The following EXD3 variants were observed in gnomAD, a reference collection of about 807,000 sequenced individuals.
The protein encoded by EXD3 is exonuclease 3'-5' domain containing 3, also known as exonuclease mut-7 homolog.
A neutral mutation model predicts 98.0 loss-of-function variants in EXD3; 92 were observed. That is an observed-to-expected ratio of 0.94 (90% CI 0.79 to 1.12). The LOEUF (loss-of-function observed/expected upper bound fraction) is 1.12. Ranked by LOEUF, EXD3 falls within the 50% of genes most tolerant of loss-of-function variation. The pLI, the probability that EXD3 is intolerant of heterozygous loss-of-function variation, is 0.00. For missense variants in EXD3, 1,222 were observed against 1,191.6 expected, an observed-to-expected ratio of 1.03 and a Z score of -0.38; for synonymous variants, 569 against 526.0, an observed-to-expected ratio of 1.08 and a Z score of -1.12.
chr9:137,402,429 T>TA (rs907257828), intron 1 of EXD3, among the ~76,000 whole-genome samples: 4 of 152,194 alleles, frequency 2.6e-5, no homozygotes, highest in African/African-American at 9.7e-5. Flanking sequence ...CATAAATCTC[T>TA]AGGACAGGCA....
rs1175438724 is a variant in EXD3 at position 137,307,510 on chromosome 9, C to A, written c.2317+98G>T. ...CTACAGGAGCCCCACAGAGCCCCCT[C>A]TGCCCGGCCGGGACCCAAGTCCCCC... is the stretch of plus-strand genomic sequence containing the variant. On this transcript the variant is annotated intron_variant, in intron 21 of 21. Transcript: ENST00000340951. 3.4e-6 allele frequency: 5 copies of A among 1,488,152 alleles called. No homozygotes were observed. In the East Asian group the frequency reaches 1.2e-4, roughly 36 times the overall value. The allele number at this position is 1,488,152 out of a possible 1,614,324, so 92.2% of individuals were successfully genotyped here.
At position 137,366,060 on chromosome 9, in the gene EXD3, T is replaced by G. The variant is rs1195891371; in HGVS notation, c.656+433A>C. 5.9e-6 allele frequency: 4 copies of G among 675,420 alleles called. No homozygotes were observed. In the African/African-American group the frequency reaches 7.1e-5, roughly 12 times the overall value. The allele number at this position is 675,420 out of a possible 1,614,324, so 41.8% of individuals were successfully genotyped here. On this transcript the variant is annotated intron_variant, in intron 7 of 21. Transcript: ENST00000340951. ...CACATGCACACACATGCACATGGCTTCCCTGAATCCATACAGGCACCATAT... is the reference window on the plus strand; with the variant it reads ...CACATGCACACACATGCACATGGCTGCCCTGAATCCATACAGGCACCATAT...
intron 2 of EXD3, among the ~76,000 whole-genome samples, chr9:137,390,345 T>C (rs1445019225): frequency 6.7e-6 from 1 of 148,444 alleles, no homozygotes; most frequent in Non-Finnish European, 1.5e-5. Flanking sequence ...GGCAGGAGAA[T>C]GGCGTGAACC....
intron 17 of EXD3, among the ~76,000 whole-genome samples, chr9:137,327,539 T>C (rs975878225): frequency 9.9e-5 from 15 of 152,082 alleles, no homozygotes; most frequent in African/African-American, 2.9e-4. Flanking sequence ...TTAAAAATGG[T>C]TAAAATGGTC....
At chr9:137,355,357 A>C (rs1455640064) in intron 8 of EXD3, among the ~76,000 whole-genome samples, 1 of 150,904 alleles carries the variant, frequency 6.6e-6, no homozygotes, top group Non-Finnish European at 1.5e-5. Context: ...TCAGGGCCCC[A>C]CCCCCCACGC....
Position 137,395,881 on chromosome 9 carries a change from G to A in EXD3, c.-47-477C>T, listed in dbSNP as rs868039530. ...CACGGCTGACCCAGTACGCAGCTCC[G>A]TAAGACTCCAGGCGGCCGCTGACAG... On this transcript the variant is annotated intron_variant, in intron 1 of 21. Transcript: ENST00000340951. The surrounding 1 kb of genome is among the most constrained non-coding windows in gnomAD (Gnocchi z 6.5). Among the ~76,000 whole-genome samples, 1 of 152,104 alleles carries A rather than the reference G, an allele frequency of 6.6e-6. No homozygotes were observed. Among genetic ancestry groups the A allele is most frequent in the Non-Finnish European group, 1.5e-5 (1 of 68,006 alleles).
chr9:137,340,174 G>A (rs1833570369), intron 17 of EXD3, among the ~76,000 whole-genome samples: 1 of 152,198 alleles, frequency 6.6e-6, no homozygotes, highest in Non-Finnish European at 1.5e-5. Context: ...CTTTATGGAA[G>A]TTATTAAATG....
At chr9:137,328,373 A>C (rs1319789603) in intron 17 of EXD3, among the ~76,000 whole-genome samples, 2 of 152,028 alleles carry the variant, frequency 1.3e-5, no homozygotes, top group Middle Eastern at 3.4e-3. Flanking sequence ...AAACACCCAT[A>C]TGATGAGTAA....
intron 1 of EXD3, among the ~76,000 whole-genome samples, chr9:137,417,584 G>A (rs2131842765): frequency 6.6e-6 from 1 of 152,306 alleles, no homozygotes; most frequent in East Asian, 1.9e-4. Context: ...AGCAACGCGC[G>A]TCCGCACAAA....
chr9:137,378,871 CA>C (rs1836051138), intron 3 of EXD3, among the ~76,000 whole-genome samples: 1 of 151,084 alleles, frequency 6.6e-6, no homozygotes, highest in African/African-American at 2.5e-5. Flanking sequence ...GTGAGGGGTA[CA>C]GGGTTTGTGG....
At position 137,385,121 on chromosome 9, in the gene EXD3, G is replaced by A. The variant is rs905553254; in HGVS notation, c.56-1744C>T. Among the ~76,000 whole-genome samples the A allele has an allele frequency of 3.3e-5, 5 of 152,170 alleles. No individual in the cohort carries two copies. The highest frequency in any genetic ancestry group is 9.6e-5 in the African/African-American group (4 of 41,466). On this transcript the variant is annotated intron_variant, in intron 2 of 21. Transcript: ENST00000340951. The surrounding 1 kb of genome is among the most constrained non-coding windows in gnomAD (Gnocchi z 4.4). ...AAAAACCAAAAAACCATAAAACACC[G>A]TGGGGCGCCCAGGCTCCACCATGGC...
intron 10 of EXD3, 88 bp downstream of exon 10, chr9:137,354,251 G>T: frequency 6.4e-7 from 1 of 1,553,504 alleles, no homozygotes; most frequent in Admixed American, 1.9e-5. Context: ...TCAGCTCTGC[G>T]CACTTCCACC....
intron 18 of EXD3, 103 bp downstream of exon 18, chr9:137,323,987 G>T: frequency 2.6e-6 from 4 of 1,529,042 alleles, no homozygotes; most frequent in African/African-American, 1.4e-5. Flanking sequence ...GGCGCTGGGG[G>T]TCGGCCCCAC....
At chr9:137,320,593 C>T (rs886820457) in intron 19 of EXD3, among the ~76,000 whole-genome samples, 8 of 152,164 alleles carry the variant, frequency 5.3e-5, no homozygotes, top group Non-Finnish European at 1.2e-4. Context: ...AGAGGCAGGG[C>T]GGACATGGGT....
At chr9:137,388,440 C>A (rs1489117680) in intron 2 of EXD3, among the ~76,000 whole-genome samples, 1 of 152,184 alleles carries the variant, frequency 6.6e-6, no homozygotes, top group African/African-American at 2.4e-5. Context: ...ATGGGGCTGC[C>A]TTCACCTTGA....
chr9:137,323,981 C>G (rs1832242027), intron 18 of EXD3, 109 bp downstream of exon 18: 3 of 1,529,090 alleles, frequency 2.0e-6, no homozygotes, highest in Non-Finnish European at 2.6e-6. Flanking sequence ...GGCAGAGGCG[C>G]TGGGGGTCGG....
intron 5 of EXD3, among the ~76,000 whole-genome samples, chr9:137,370,835 T>G (rs1195090435): frequency 4.6e-5 from 7 of 151,222 alleles, no homozygotes; most frequent in Non-Finnish European, 8.8e-5. Context: ...CTTTTTACCT[T>G]GATAAGCTGT....
intron 1 of EXD3, among the ~76,000 whole-genome samples, chr9:137,413,027 C>G (rs1838070553): frequency 6.6e-6 from 1 of 152,198 alleles, no homozygotes; most frequent in African/African-American, 2.4e-5. Flanking sequence ...GGTAATCCTC[C>G]TGCCTCAACC....
intron 6 of EXD3, chr9:137,367,647 G>GT (rs1835335343): frequency 2.6e-6 from 1 of 380,012 alleles, no homozygotes; most frequent in African/African-American, 2.1e-5. Flanking sequence ...GAGGCAGCTG[G>GT]TGCCCACTCC....
Sources: gnomAD v4.1 joint callset for allele counts (sites outside exome capture counted in the v4.1 genomes callset) on GRCh38, gnomAD v4.1.1 for gene constraint, Gnocchi (gnomAD v3.1) non-coding constraint, MANE v1.5 for transcripts, NCBI Gene and HGNC (gene_info 2026-07-23, HGNC 2026-07-21) for gene names.